The following RGS7 variants were observed in gnomAD, a reference collection of about 807,000 sequenced individuals.
RGS7 encodes the protein regulator of G protein signaling 7, also known as regulator of G-protein signaling 7.
A neutral mutation model predicts 81.1 loss-of-function variants in RGS7; 27 were observed. The observed-to-expected ratio is 0.33, with a 90% CI of 0.25 to 0.46. The LOEUF is 0.46. Among genes scored for constraint, RGS7 ranks in the 20% least tolerant of loss-of-function variants. The probability of loss-of-function intolerance (pLI) is 1.00; values close to 1 mark genes in which losing one functional copy is unlikely to be tolerated. For missense variants in RGS7, 396 were observed against 607.4 expected (o/e 0.65, Z 3.66); for synonymous variants, 208 against 207.7 (o/e 1.00, Z -0.01).
chr1:240,832,554 T>C (rs528435191), intron 9 of RGS7, among the ~76,000 whole-genome samples: 80 of 152,340 alleles, frequency 5.3e-4, no homozygotes, highest in African/African-American at 1.9e-3. Context: ...ATTATTGATA[T>C]TTTAAGTAAA....
At chr1:241,142,290 C>T (rs545051990) in intron 2 of RGS7, among the ~76,000 whole-genome samples, 2 of 152,334 alleles carry the variant, frequency 1.3e-5, no homozygotes, top group South Asian at 4.1e-4. Flanking sequence ...CAAAGCTCCA[C>T]TAGGCAAGGC....
At chr1:241,293,354 G>A (rs892074243) in intron 2 of RGS7, among the ~76,000 whole-genome samples, 1 of 152,160 alleles carries the variant, frequency 6.6e-6, no homozygotes, top group Non-Finnish European at 1.5e-5. Flanking sequence ...TATTTAGAGT[G>A]TATTTTTACT....
chr1:240,874,246 A>G (rs1293834278), intron 6 of RGS7, among the ~76,000 whole-genome samples: 1 of 152,210 alleles, frequency 6.6e-6, no homozygotes, highest in Non-Finnish European at 1.5e-5. Context: ...ACAAAAGGGT[A>G]CCAAGTTATT....
At chr1:241,344,092 A>G (rs2082736475) in intron 2 of RGS7, among the ~76,000 whole-genome samples, 1 of 152,176 alleles carries the variant, frequency 6.6e-6, no homozygotes, top group Non-Finnish European at 1.5e-5. Context: ...ATTTGCTTCA[A>G]AATAATCAAC....
At chr1:241,160,472 G>GGT (rs1309194086) in intron 2 of RGS7, among the ~76,000 whole-genome samples, 1 of 151,276 alleles carries the variant, frequency 6.6e-6, no homozygotes, top group Non-Finnish European at 1.5e-5. Context: ...TCCCCTGAAC[G>GGT]GTGTGTGGAA....
At chr1:240,984,696 C>T (rs544748159) in intron 3 of RGS7, among the ~76,000 whole-genome samples, 1 of 152,262 alleles carries the variant, frequency 6.6e-6, no homozygotes, top group Admixed American at 6.5e-5. Flanking sequence ...ACCAAGATTC[C>T]ATTTCAGCCT....
At chr1:240,975,060 G>T (rs539606137) in intron 4 of RGS7, among the ~76,000 whole-genome samples, 1 of 152,136 alleles carries the variant, frequency 6.6e-6, no homozygotes, top group African/African-American at 2.4e-5. Flanking sequence ...AGAAGCATGG[G>T]ATGATGGAGA....
intron 3 of RGS7, among the ~76,000 whole-genome samples, chr1:241,096,320 A>C (rs942584095): frequency 1.3e-5 from 2 of 152,180 alleles, no homozygotes; most frequent in African/African-American, 4.8e-5. Context: ...GATACTAACT[A>C]GAAAAGACTG....
chr1:241,038,896 G>A (rs997693881), intron 3 of RGS7, among the ~76,000 whole-genome samples: 7 of 152,118 alleles, frequency 4.6e-5, no homozygotes, highest in Admixed American at 4.6e-4. Context: ...GAGCTCAGGA[G>A]TTTAAGGGTG....
chr1:240,859,241 C>T (rs1018002662), intron 9 of RGS7, among the ~76,000 whole-genome samples: 2 of 152,080 alleles, frequency 1.3e-5, no homozygotes, highest in Admixed American at 1.3e-4. Context: ...CTCAACTGAT[C>T]CTCCTGTCTC....
intron 9 of RGS7, among the ~76,000 whole-genome samples, chr1:240,862,697 C>T (rs908130232): frequency 6.6e-6 from 1 of 151,974 alleles, no homozygotes; most frequent in Non-Finnish European, 1.5e-5. Context: ...GAAGGCAAAT[C>T]GATTCAGGAA....
chr1:240,867,321 T>A (rs1168938473), intron 9 of RGS7, among the ~76,000 whole-genome samples: 1 of 152,190 alleles, frequency 6.6e-6, no homozygotes, highest in Non-Finnish European at 1.5e-5. Context: ...TTCTTATCAA[T>A]CTTGATTTGT....
intron 3 of RGS7, among the ~76,000 whole-genome samples, chr1:241,080,491 A>C (rs570828979): frequency 6.6e-6 from 1 of 152,192 alleles, no homozygotes; most frequent in African/African-American, 2.4e-5. Flanking sequence ...CTAGGACGTA[A>C]GAAAATGTCT....
intron 2 of RGS7, among the ~76,000 whole-genome samples, chr1:241,172,567 T>C (rs1457915239): frequency 6.6e-6 from 1 of 152,170 alleles, no homozygotes; most frequent in Non-Finnish European, 1.5e-5. Context: ...CAAATTGGCC[T>C]CACATTAGAA....
rs200073205 is a variant in RGS7, at chr1:241,145,035, G to T, written c.79-46273C>A. ...TGTCGATGAAACTTTTTTTTTTTTT[G>T]AGATGGAGTCTCGCACTGTCGCCCA... On this transcript the variant is annotated intron_variant, in intron 2 of 18. Transcript: ENST00000440928. Among the ~76,000 whole-genome samples the T allele has an allele frequency of 3.2e-3, 444 of 140,872 alleles. 12 individuals carry two copies. The East Asian group carries it at 0.062, about 20-fold the overall frequency. The allele number at this position is 140,872 out of a possible 152,430, so 92.4% of individuals were successfully genotyped here. A position where few individuals can be genotyped will look rare whatever the true frequency, so the allele number is the denominator to read the frequency against.
At chr1:241,221,016 AGG>A (rs1465993579) in intron 2 of RGS7, among the ~76,000 whole-genome samples, 13 of 112,722 alleles carry the variant, frequency 1.2e-4, no homozygotes, top group African/African-American at 3.8e-4. Context: ...AAAGGAAGGA[AGG>A]AAGGAAGGAA....
At chr1:241,165,036 C>A (rs918383663) in intron 2 of RGS7, among the ~76,000 whole-genome samples, 1 of 152,160 alleles carries the variant, frequency 6.6e-6, no homozygotes, top group East Asian at 1.9e-4. Context: ...TCCCTATGTG[C>A]GTTCTCATCA....
chr1:241,008,530 G>C (rs2058792014), intron 3 of RGS7, among the ~76,000 whole-genome samples: 1 of 152,156 alleles, frequency 6.6e-6, no homozygotes, highest in South Asian at 2.1e-4. Flanking sequence ...AATCAACTCT[G>C]AGTGACTCAA....
chr1:241,204,883 T>C (rs1405381736), intron 2 of RGS7, among the ~76,000 whole-genome samples: 2 of 152,148 alleles, frequency 1.3e-5, no homozygotes, highest in Admixed American at 6.5e-5. Context: ...GACTAATTCA[T>C]ATTAGAACAT....
Sources: allele counts gnomAD v4.1 joint callset (sites outside exome capture counted in the v4.1 genomes callset), GRCh38; gene constraint gnomAD v4.1.1; transcripts MANE v1.5; gene names NCBI Gene and HGNC (gene_info 2026-07-23, HGNC 2026-07-21).